Variants in CCDC154 observed in about 807,000 individuals in gnomAD.
CCDC154 encodes coiled-coil domain containing 154, also known as coiled-coil domain-containing protein 154.
A neutral mutation model predicts 87.5 loss-of-function variants in CCDC154; 91 were observed. That is an observed-to-expected ratio of 1.04 (90% CI 0.88 to 1.24). CCDC154 has a LOEUF of 1.24. Among genes scored for constraint, CCDC154 ranks in the 50% most tolerant of loss-of-function variants. CCDC154 has a pLI of 0.00. For missense variants in CCDC154, 903 were observed against 879.2 expected, an observed-to-expected ratio of 1.03 and a Z score of -0.34; for synonymous variants, 418 against 400.4, an observed-to-expected ratio of 1.04 and a Z score of -0.52.
chr16:1,436,395 G>GT, intron 13 of CCDC154, 50 bp downstream of exon 13: 1 of 1,445,116 alleles, frequency 6.9e-7, no homozygotes, highest in Non-Finnish European at 9.5e-7. Flanking sequence ...GCCCAGCCCA[G>GT]TAACGGTCAG....
In CCDC154 at chr16:1,443,150, C is replaced by T. The variant is rs11641300; in HGVS notation, c.455+111G>A. The T allele has an allele frequency of 0.35, 485,416 of 1,396,420 alleles. 86,951 individuals are homozygous for T. Among genetic ancestry groups the T allele is most frequent in the South Asian group, 0.4 (31,778 of 79,336 alleles). 86.5% of individuals were successfully genotyped at this position (1,396,420 alleles called of 1,614,324 possible). On this transcript the variant is annotated intron_variant, in intron 4 of 16. Coordinates refer to ENST00000389176, the MANE Select transcript of CCDC154 (RefSeq NM_001143980.3). ...CTAGCTGGACCTGGATGTGTATCCC[C>T]CACTCCAGCGACACCCAGCGGGAGA... is the stretch of plus-strand genomic sequence containing the variant.
chr16:1,437,071 G>A, intron 11 of CCDC154: 1 of 514,434 alleles, frequency 1.9e-6, no homozygotes, highest in Non-Finnish European at 3.5e-6. Flanking sequence ...AGGCAGGGCA[G>A]GCCCCGGTGG....
Position 1,439,105 on chromosome 16 carries a change from CGCCGA to C in CCDC154, c.692_696del (p.Leu231ArgfsTer70). 3 of 1,550,170 alleles carry C rather than the reference CGCCGA, an allele frequency of 1.9e-6. No homozygotes were observed. The highest frequency in any genetic ancestry group is 2.6e-6 in the Non-Finnish European group (3 of 1,146,868). ...TTCAGGAAGCGCAGGCTCACCTCTT[CGCCGA>C]GCTTGGTCACCTGGGCCTGGGGCGG... is the stretch of plus-strand genomic sequence containing the variant. On this transcript the variant is annotated frameshift_variant, in exon 7 of 17. Coordinates refer to ENST00000389176, the MANE Select transcript of CCDC154 (RefSeq NM_001143980.3). LOFTEE classifies it high-confidence loss of function.
intron 4 of CCDC154, 28 bp from the exon 5 acceptor site, chr16:1,443,003 G>A (rs1410320525): frequency 3.2e-6 from 5 of 1,548,934 alleles, no homozygotes; most frequent in Non-Finnish European, 3.5e-6. Flanking sequence ...ATTCCCGAGA[G>A]GCCCAGGCGG....
intron 6 of CCDC154, among the ~76,000 whole-genome samples, chr16:1,440,298 A>C (rs978098219): frequency 2.0e-4 from 31 of 151,722 alleles, no homozygotes; most frequent in Non-Finnish European, 3.5e-4. Context: ...AAATACAAAA[A>C]ATTTAGCTGG....
chr16:1,444,227 G>A, intron 1 of CCDC154, 89 bp downstream of exon 1: 9 of 1,246,850 alleles, frequency 7.2e-6, no homozygotes, highest in Non-Finnish European at 9.4e-6. Flanking sequence ...AAGCGAGCTG[G>A]AGGGAGCCCG....
chr16:1,438,185 T>A lies in CCDC154; in HGVS notation c.1026-9A>T. The A allele has an allele frequency of 6.5e-7, 1 of 1,529,738 alleles. No homozygotes were observed. The allele number at this position is 1,529,738 out of a possible 1,614,324, so 94.8% of individuals were successfully genotyped here. On this transcript the variant is annotated splice_polypyrimidine_tract_variant and intron_variant, in intron 9 of 16. Transcript: ENST00000389176. The stretch of plus-strand genomic sequence containing the variant: ...AGCGCCCCTTGGCGTCCCTAGGGGT[T>A]GGGGACACATAGACACCCTCAGTGG...
chr16:1,436,858 C>G (rs1310582569), intron 11 of CCDC154, 47 bp from the exon 12 acceptor site: 1 of 1,546,708 alleles, frequency 6.5e-7, no homozygotes, highest in Non-Finnish European at 8.7e-7. Flanking sequence ...AGAGGGGGGA[C>G]AGACAGATGG....
chr16:1,438,357 T>G (rs2038520795), intron 9 of CCDC154, 181 bp from the exon 10 acceptor site: 2 of 819,922 alleles, frequency 2.4e-6, no homozygotes, highest in Non-Finnish European at 1.8e-6. Context: ...AAGATGGGCG[T>G]TCACTCCCCA....
intron 15 of CCDC154, 61 bp from the exon 16 acceptor site, chr16:1,434,913 C>G (rs112353007): frequency 1.4e-6 from 2 of 1,453,806 alleles, no homozygotes; most frequent in Admixed American, 5.0e-5. Flanking sequence ...GGATGGCAAA[C>G]GGGGGCTTAT....
rs564038542 is a variant in CCDC154, at chr16:1,438,919, G to A, written c.802C>T (p.Arg268Trp). The change falls in exon 8 of 17, where the codon CGG becomes TGG. Residue 268 changes from arginine to tryptophan, a missense_variant. Coordinates refer to ENST00000389176, the MANE Select transcript of CCDC154 (RefSeq NM_001143980.3). ...EKRMKASESS[R>W]LKLEGSLRGE... ...CGCAGGCTGCCCTCCAGCTTCAGCC[G>A]TGAGCTCTCCGAGGCCTTCATTCTC... 1.5e-4 allele frequency: 237 copies of A among 1,549,458 alleles called. No individual in the cohort carries two copies. The highest frequency in any genetic ancestry group is 1.7e-4 in the Non-Finnish European group (199 of 1,146,568).
At chr16:1,440,947 T>G (rs2038546684) in intron 6 of CCDC154, among the ~76,000 whole-genome samples, 1 of 133,724 alleles carries the variant, frequency 7.5e-6, no homozygotes, top group African/African-American at 2.9e-5. Context: ...GGAGACTCCG[T>G]CTTAAAAAAA....
intron 6 of CCDC154, 108 bp downstream of exon 6, chr16:1,442,298 A>C: frequency 8.2e-7 from 1 of 1,225,382 alleles, no homozygotes. Context: ...TTCAGTGGAC[A>C]CAGATACATG....
At chr16:1,434,883 G>A (rs753128553) in intron 15 of CCDC154, 31 bp from the exon 16 acceptor site, 2 of 1,473,040 alleles carry the variant, frequency 1.4e-6, no homozygotes, top group South Asian at 2.7e-5. Flanking sequence ...TGTCACCCAG[G>A]AGCCAGACCT....
chr16:1,436,959 G>T (rs1232449606), intron 11 of CCDC154, 148 bp from the exon 12 acceptor site: 3 of 1,179,980 alleles, frequency 2.5e-6, no homozygotes, highest in Non-Finnish European at 2.4e-6. Context: ...CAGGCGGCTG[G>T]GATGGCCTGG....
Position 1,442,940 on chromosome 16 carries a change from C to A in CCDC154, c.491G>T (p.Arg164Met). ...CGCCTCCTGTTGCACCTGCCTCCTC[C>A]TGAGCCGGGTCAAGGCTTCCCGGAC... ...VEVREALTRLRRRQVQQEAER... is the reference protein window; with the variant it reads ...VEVREALTRLMRRQVQQEAER... The change falls in exon 5 of 17, where the codon AGG (arginine) becomes ATG (methionine). Residue 164 changes from arginine (R) to methionine (M), a missense_variant. Coordinates refer to ENST00000389176, the MANE Select transcript of CCDC154 (RefSeq NM_001143980.3). 3 of 1,550,066 alleles carry A rather than the reference C, an allele frequency of 1.9e-6. No individual in the cohort carries two copies. Among genetic ancestry groups the A allele is most frequent in the Non-Finnish European group, 1.7e-6 (2 of 1,146,842 alleles).
intron 15 of CCDC154, 45 bp from the exon 16 acceptor site, chr16:1,434,897 G>C: frequency 6.8e-7 from 1 of 1,461,708 alleles, no homozygotes; most frequent in African/African-American, 1.4e-5. Flanking sequence ...CAGACCTCCG[G>C]GCAGGGGATG....
chr16:1,435,847 C>T (rs971584755), intron 14 of CCDC154, 122 bp downstream of exon 14: 27 of 825,148 alleles, frequency 3.3e-5, no homozygotes, highest in Admixed American at 4.8e-5. Context: ...GTTTTCTGAG[C>T]GTCTCCTGCT....
rs774763237 is a variant in CCDC154 at position 1,438,130 on chromosome 16, C to G, written c.1072G>C (p.Ala358Pro). Residue 358 changes from alanine (A) to proline (P), a missense_variant, in exon 10 of 17, where the codon GCC (alanine) becomes CCC (proline). Coordinates refer to ENST00000389176, the MANE Select transcript of CCDC154 (RefSeq NM_001143980.3). ...LEESRAGELAAYVQENLEAAQ... is the reference protein window; with the variant it reads ...LEESRAGELAPYVQENLEAAQ... ...GCCTCCAGGTTCTCCTGCACATAGG[C>G]GGCCAGCTCCCCAGCCCGGCTTTCC... 5.8e-6 allele frequency: 9 copies of G among 1,548,042 alleles called. No homozygotes were observed. Among genetic ancestry groups the G allele is most frequent in the Non-Finnish European group, 7.9e-6 (9 of 1,145,746 alleles).
Sources: allele counts gnomAD v4.1 joint callset (sites outside exome capture counted in the v4.1 genomes callset), GRCh38; gene constraint gnomAD v4.1.1; transcripts MANE v1.5; gene names NCBI Gene and HGNC (gene_info 2026-07-23, HGNC 2026-07-21).